Variants in FBXL14 observed in about 807,000 individuals in gnomAD.
The protein encoded by FBXL14 is F-box and leucine rich repeat protein 14, also known as F-box/LRR-repeat protein 14.
A neutral mutation model predicts 24.5 loss-of-function variants in FBXL14; 11 were observed. The observed-to-expected ratio is 0.45, with a 90% CI of 0.28 to 0.74. The LOEUF (loss-of-function observed/expected upper bound fraction) is 0.74, where lower values mean the gene tolerates loss of function less well. Ranked by LOEUF, FBXL14 falls within the 30% of genes least tolerant of loss-of-function variation. The probability of loss-of-function intolerance (pLI) is 0.12; values close to 1 mark genes in which losing one functional copy is unlikely to be tolerated. For missense variants in FBXL14, 384 were observed against 545.6 expected, an observed-to-expected ratio of 0.70 and a Z score of 2.95; for synonymous variants, 294 against 240.4, an observed-to-expected ratio of 1.22 and a Z score of -2.06.
At chr12:1,586,407 G>GT (rs1397813957) in intron 1 of FBXL14, among the ~76,000 whole-genome samples, 1 of 152,062 alleles carries the variant, frequency 6.6e-6, no homozygotes, top group East Asian at 1.9e-4. Flanking sequence ...GGGTTTTGCT[G>GT]TGTCGCCCAG....
chr12:1,569,996 T>C lies in FBXL14; in HGVS notation c.1195-3186A>G, dbSNP rs1177467132. 2.0e-5 allele frequency among the ~76,000 whole-genome samples: 3 copies of C among 152,166 alleles called. No homozygotes were observed. Among genetic ancestry groups the C allele is most frequent in the African/African-American group, 7.2e-5 (3 of 41,450 alleles). On this transcript the variant is annotated intron_variant, in intron 1 of 1. Transcript: ENST00000339235. The surrounding 1 kb of genome is among the most constrained non-coding windows in gnomAD (Gnocchi z 4.2). ...AAGCTTTTCAGACAAGAAGGAGGCT[T>C]TTATGAGGTTCAGATTCTTCCTAAG...
intron 1 of FBXL14, among the ~76,000 whole-genome samples, chr12:1,577,476 G>C (rs1379834280): frequency 6.6e-6 from 1 of 152,146 alleles, no homozygotes. Flanking sequence ...GCCTTGAATA[G>C]GCAGGCATAT....
intron 1 of FBXL14, among the ~76,000 whole-genome samples, chr12:1,581,525 C>T (rs994107675): frequency 3.9e-5 from 6 of 152,194 alleles, no homozygotes; most frequent in African/African-American, 1.2e-4. Flanking sequence ...TGAGGAATGT[C>T]GGAGCCGGCC....
intron 1 of FBXL14, chr12:1,587,447 T>C (rs907615168): frequency 1.3e-5 from 2 of 152,114 alleles, no homozygotes; most frequent in African/African-American, 4.8e-5. Context: ...TTACTTTCTT[T>C]TGCACCTCAA....
At chr12:1,572,938 TAAGA>T (rs1367309769) in intron 1 of FBXL14, among the ~76,000 whole-genome samples, 5 of 152,100 alleles carry the variant, frequency 3.3e-5, no homozygotes, top group African/African-American at 1.2e-4. Flanking sequence ...CAGGATGTAA[TAAGA>T]GAGAGAAGAG....
At chr12:1,586,198 T>TC (rs1555151023) in intron 1 of FBXL14, among the ~76,000 whole-genome samples, 2 of 151,290 alleles carry the variant, frequency 1.3e-5, no homozygotes, top group African/African-American at 2.4e-5. Flanking sequence ...TTTTTTTTTT[T>TC]ACTCCTAATG....
chr12:1,575,050 A>G (rs1437524873), intron 1 of FBXL14, among the ~76,000 whole-genome samples: 3 of 152,228 alleles, frequency 2.0e-5, no homozygotes, highest in Non-Finnish European at 2.9e-5. Flanking sequence ...TCTGAAAAAT[A>G]TCTCTGCTTG....
rs574386088 is a variant in FBXL14 at position 1,567,415 on chromosome 12, C to T, written c.1195-605G>A. ...GCTGAGGCAAGAGAACCGCTTGAAC[C>T]GGGAGGCAGAGGTTGCAGTGAGCCA... On this transcript the variant is annotated intron_variant, in intron 1 of 1. Transcript: ENST00000339235. The surrounding 1 kb of genome is among the most constrained non-coding windows in gnomAD (Gnocchi z 4.8). 4.6e-5 allele frequency among the ~76,000 whole-genome samples: 7 copies of T among 152,042 alleles called. No individual in the cohort carries two copies. Among genetic ancestry groups the T allele is most frequent in the South Asian group, 2.1e-4 (1 of 4,820 alleles).
intron 1 of FBXL14, among the ~76,000 whole-genome samples, chr12:1,572,814 G>A (rs889968306): frequency 6.6e-6 from 1 of 150,488 alleles, no homozygotes; most frequent in Non-Finnish European, 1.5e-5. Flanking sequence ...TGGTCAAAAT[G>A]AGAAGTGATG....
chr12:1,585,683 T>A lies in FBXL14; in HGVS notation c.1194+7190A>T, dbSNP rs543676987. On this transcript the variant is annotated intron_variant, in intron 1 of 1. Transcript: ENST00000339235. The stretch of plus-strand genomic sequence containing the variant: ...TGTGGTAGGTCTGATCCTTCTGGAG[T>A]GTGGATTACGTAAATGGGGGAGTAA... 2.5e-3 allele frequency among the ~76,000 whole-genome samples: 386 copies of A among 152,228 alleles called. 1 individual carries two copies. Among genetic ancestry groups the A allele is most frequent in the African/African-American group, 8.8e-3 (365 of 41,522 alleles).
intron 1 of FBXL14, among the ~76,000 whole-genome samples, chr12:1,590,621 T>C (rs1033867074): frequency 1.3e-5 from 2 of 152,170 alleles, no homozygotes; most frequent in African/African-American, 4.8e-5. Context: ...TGCCCCGATT[T>C]CAGTCTAAAA....
At chr12:1,580,073 C>T (rs1163418490) in intron 1 of FBXL14, among the ~76,000 whole-genome samples, 1 of 152,140 alleles carries the variant, frequency 6.6e-6, no homozygotes, top group African/African-American at 2.4e-5. Context: ...CATGTTTTGC[C>T]CCAAGATTAA....
rs568719818 is a variant in FBXL14, at chr12:1,566,693, C to T, written c.*55G>A. 7.7e-6 allele frequency: 6 copies of T among 778,910 alleles called. No individual in the cohort carries two copies. The highest frequency in any genetic ancestry group is 7.3e-5 in the East Asian group (3 of 41,208). The allele number at this position is 778,910 out of a possible 1,614,324, so 48.2% of individuals were successfully genotyped here. Reference sequence around the variant, plus strand: ...TCACCAGAGTGCCGGAGGCGCAGAGCGGGCAAGTCTGGAAGTTAAAGATCC... The same window carrying T: ...TCACCAGAGTGCCGGAGGCGCAGAGTGGGCAAGTCTGGAAGTTAAAGATCC... On this transcript the variant is annotated 3_prime_UTR_variant, in exon 2 of 2. Coordinates refer to ENST00000339235, the MANE Select transcript of FBXL14 (RefSeq NM_152441.3).
intron 1 of FBXL14, among the ~76,000 whole-genome samples, chr12:1,588,036 T>C (rs1011555150): frequency 1.3e-5 from 2 of 152,062 alleles, no homozygotes; most frequent in Non-Finnish European, 2.9e-5. Context: ...CTTACTATAG[T>C]CCCTCCCTTT....
At chr12:1,586,266 G>C (rs1343947893) in intron 1 of FBXL14, among the ~76,000 whole-genome samples, 1 of 150,570 alleles carries the variant, frequency 6.6e-6, no homozygotes, top group Non-Finnish European at 1.5e-5. Flanking sequence ...GGCTGAGGTA[G>C]AAAGATCCCT....
chr12:1,583,092 G>A (rs1259987987), intron 1 of FBXL14, among the ~76,000 whole-genome samples: 1 of 150,684 alleles, frequency 6.6e-6, no homozygotes, highest in Admixed American at 6.6e-5. Context: ...GTCTTCATCT[G>A]GGCAATAAAG....
intron 1 of FBXL14, among the ~76,000 whole-genome samples, chr12:1,571,997 T>G (rs1206721819): frequency 6.6e-6 from 1 of 152,216 alleles, no homozygotes; most frequent in African/African-American, 2.4e-5. Flanking sequence ...GTTAAGTTCC[T>G]TAACTACAAA....
chr12:1,592,684 G>C (rs1240529832), intron 1 of FBXL14, among the ~76,000 whole-genome samples, 189 bp downstream of exon 1: 1 of 152,234 alleles, frequency 6.6e-6, no homozygotes, highest in African/African-American at 2.4e-5. Flanking sequence ...GCTGCAAAGA[G>C]AATGGGCTGG....
At chr12:1,587,436 C>G (rs987151265) in intron 1 of FBXL14, 1 of 152,120 alleles carries the variant, frequency 6.6e-6, no homozygotes, top group African/African-American at 2.4e-5. Flanking sequence ...AGATCTCAAG[C>G]TTACTTTCTT....
Sources: gnomAD v4.1 joint callset for allele counts (sites outside exome capture counted in the v4.1 genomes callset) on GRCh38, gnomAD v4.1.1 for gene constraint, Gnocchi (gnomAD v3.1) non-coding constraint, MANE v1.5 for transcripts, NCBI Gene and HGNC (gene_info 2026-07-23, HGNC 2026-07-21) for gene names.